The following PAIP2B variants were observed in gnomAD, a reference collection of about 807,000 sequenced individuals.
PAIP2B encodes the protein poly(A) binding protein interacting protein 2B, also known as polyadenylate-binding protein-interacting protein 2B.
Under a neutral mutation model 17.0 loss-of-function variants are expected in PAIP2B, and 13 were observed. The ratio of observed to expected loss-of-function variants is 0.76; its 90% CI spans 0.50 to 1.22. The LOEUF (loss-of-function observed/expected upper bound fraction) is 1.22. Among genes scored for constraint, PAIP2B ranks in the 50% most tolerant of loss-of-function variants. PAIP2B has a pLI of 0.00. For synonymous variants in PAIP2B, 43 were observed against 48.7 expected (o/e 0.88, Z 0.48); for missense variants, 117 against 144.5 (o/e 0.81, Z 0.98).
intron 1 of PAIP2B, among the ~76,000 whole-genome samples, chr2:71,221,171 T>C (rs1268883195): frequency 1.3e-5 from 2 of 152,280 alleles, no homozygotes; most frequent in Non-Finnish European, 2.9e-5. Context: ...GCTAACTCAA[T>C]TGTGACATGC....
chr2:71,187,002 A>C lies in PAIP2B; in HGVS notation c.*1477T>G, dbSNP rs1674558791. 1.3e-5 allele frequency: 2 copies of C among 152,194 alleles called. No homozygotes were observed. The highest frequency in any genetic ancestry group is 2.9e-5 in the Non-Finnish European group (2 of 68,066). 9.4% of individuals were successfully genotyped at this position (152,194 alleles called of 1,614,324 possible). A position where few individuals can be genotyped will look rare whatever the true frequency, so the allele number is the denominator to read the frequency against. On this transcript the variant is annotated 3_prime_UTR_variant, in exon 4 of 4. Transcript: ENST00000244221. Reference sequence around the variant, plus strand: ...TCCCACAGCCACATACTGAATTTATACCAACTTTGTTTCAAGTTACATATC... The same window carrying C: ...TCCCACAGCCACATACTGAATTTATCCCAACTTTGTTTCAAGTTACATATC...
chr2:71,194,280 T>C (rs112493520), intron 2 of PAIP2B, among the ~76,000 whole-genome samples: 9,934 of 152,290 alleles, frequency 0.065, 357 homozygotes, highest in African/African-American at 0.088. Flanking sequence ...TTGATAGGAA[T>C]AGCATTGAAT....
chr2:71,202,623 A>G (rs779673170), intron 1 of PAIP2B, 23 bp from the exon 2 acceptor site: 3 of 1,574,260 alleles, frequency 1.9e-6, no homozygotes, highest in Non-Finnish European at 2.6e-6. Context: ...AAAAGAAAAG[A>G]TAAAATGAAT....
At chr2:71,205,566 GGGGAAGACACAA>G (rs1174104779) in intron 1 of PAIP2B, among the ~76,000 whole-genome samples, 2 of 152,150 alleles carry the variant, frequency 1.3e-5, no homozygotes, top group African/African-American at 2.4e-5. Flanking sequence ...TTTCCAACTT[GGGGAAGACACAA>G]GGGAAGACAG....
At chr2:71,193,901 T>C (rs1674750828) in intron 2 of PAIP2B, among the ~76,000 whole-genome samples, 1 of 152,166 alleles carries the variant, frequency 6.6e-6, no homozygotes, top group Admixed American at 6.5e-5. Flanking sequence ...TTTTTGTATA[T>C]GGTGTAAGGA....
intron 1 of PAIP2B, among the ~76,000 whole-genome samples, chr2:71,203,649 T>C (rs999529206): frequency 6.6e-6 from 1 of 151,908 alleles, no homozygotes; most frequent in Non-Finnish European, 1.5e-5. Context: ...GCTAAAGTAC[T>C]TTGCCCATTT....
chr2:71,199,754 T>C (rs1243610325), intron 2 of PAIP2B, among the ~76,000 whole-genome samples: 2 of 152,176 alleles, frequency 1.3e-5, no homozygotes, highest in African/African-American at 4.8e-5. Flanking sequence ...AGCCAGGCAC[T>C]GTGACACATG....
At chr2:71,225,029 A>T (rs1420451583) in intron 1 of PAIP2B, among the ~76,000 whole-genome samples, 1 of 152,164 alleles carries the variant, frequency 6.6e-6, no homozygotes, top group Non-Finnish European at 1.5e-5. Flanking sequence ...AACAGTTTTA[A>T]GATCTTACTC....
intron 1 of PAIP2B, among the ~76,000 whole-genome samples, chr2:71,207,484 G>C (rs1476266401): frequency 1.3e-5 from 2 of 152,086 alleles, no homozygotes; most frequent in Non-Finnish European, 2.9e-5. Context: ...CTAAATAATA[G>C]AAGCCATTAT....
At chr2:71,194,459 TTGTGTGTGTGTGTG>T (rs141924993) in intron 2 of PAIP2B, among the ~76,000 whole-genome samples, 13 of 143,482 alleles carry the variant, frequency 9.1e-5, no homozygotes, top group South Asian at 6.7e-4. Context: ...TATTCCTAGG[TTGTGTGTGTGTGTG>T]TGTGTGTGTG....
chr2:71,204,061 T>A (rs1369718930), intron 1 of PAIP2B, among the ~76,000 whole-genome samples: 1 of 152,174 alleles, frequency 6.6e-6, no homozygotes, highest in Non-Finnish European at 1.5e-5. Context: ...GCATTAACAC[T>A]ACTTAATTGT....
intron 1 of PAIP2B, among the ~76,000 whole-genome samples, chr2:71,216,438 T>TAAGCAA (rs1675432185): frequency 6.6e-6 from 1 of 152,218 alleles, no homozygotes; most frequent in Non-Finnish European, 1.5e-5. Flanking sequence ...TATGTCACTG[T>TAAGCAA]GTATTGCTTG....
At chr2:71,201,711 C>G (rs34123096) in intron 2 of PAIP2B, among the ~76,000 whole-genome samples, 10,141 of 152,174 alleles carry the variant, frequency 0.067, 375 homozygotes, top group African/African-American at 0.092. Context: ...CATTTATTTT[C>G]AAAATGAAAT....
intron 1 of PAIP2B, among the ~76,000 whole-genome samples, chr2:71,222,469 G>A (rs2103831794): frequency 6.6e-6 from 1 of 152,278 alleles, no homozygotes; most frequent in South Asian, 2.1e-4. Context: ...TTCTCTCTTG[G>A]AAAATACAAA....
Position 71,189,845 on chromosome 2 carries a change from C to A in PAIP2B, c.315G>T (p.Leu105Phe). The change falls in exon 3 of 4, where the codon TTG (leucine) becomes TTT (phenylalanine). Residue 105 changes from leucine to phenylalanine, a missense_variant and splice_region_variant. Transcript: ENST00000244221. ...VSEGHDSEDILSKSNLNPDAK... is the reference protein window; with the variant it reads ...VSEGHDSEDIFSKSNLNPDAK... ...CTGGGGAACTACATATGGCTCTTACCAAAATATCTTCAGAATCATGACCTT... is the reference window on the plus strand; with the variant it reads ...CTGGGGAACTACATATGGCTCTTACAAAAATATCTTCAGAATCATGACCTT... 1 of 1,549,930 alleles carries A rather than the reference C, an allele frequency of 6.5e-7. No homozygotes were observed. The highest frequency in any genetic ancestry group is 8.7e-7 in the Non-Finnish European group (1 of 1,146,120).
chr2:71,221,044 A>G (rs996046863), intron 1 of PAIP2B, among the ~76,000 whole-genome samples: 2 of 152,240 alleles, frequency 1.3e-5, no homozygotes, highest in African/African-American at 4.8e-5. Flanking sequence ...CAGTGTAATC[A>G]TTCCCAGAAT....
chr2:71,199,533 C>T (rs1303392702), intron 2 of PAIP2B, among the ~76,000 whole-genome samples: 1 of 151,546 alleles, frequency 6.6e-6, no homozygotes, highest in Non-Finnish European at 1.5e-5. Flanking sequence ...CATATAATTA[C>T]ACTTCTCCCT....
rs529435350 is a variant in PAIP2B at position 71,202,603 on chromosome 2, A to G, written c.-11-3T>C. ...GGATCCATTCATTATGATGGAACCT[A>G]AAGAGAAGCAAAAGAAAAGATAAAA... On this transcript the variant is annotated splice_region_variant and splice_polypyrimidine_tract_variant and intron_variant, in intron 1 of 3. Transcript: ENST00000244221. The G allele has an allele frequency of 1.7e-5, 28 of 1,602,100 alleles. No individual in the cohort carries two copies. In the South Asian group the frequency reaches 2.9e-4, roughly 17 times the overall value.
chr2:71,189,250 T>C (rs1674620880), intron 3 of PAIP2B, among the ~76,000 whole-genome samples: 1 of 152,122 alleles, frequency 6.6e-6, no homozygotes, highest in African/African-American at 2.4e-5. Context: ...AGACCTCAGG[T>C]GATCCACCCG....
Sources: gnomAD v4.1 joint callset for allele counts (sites outside exome capture counted in the v4.1 genomes callset) on GRCh38, gnomAD v4.1.1 for gene constraint, MANE v1.5 for transcripts, NCBI Gene and HGNC (gene_info 2026-07-23, HGNC 2026-07-21) for gene names.